Variants in JAKMIP2 observed in about 807,000 individuals in gnomAD.
JAKMIP2 encodes janus kinase and microtubule interacting protein 2.
In JAKMIP2, 25 loss-of-function variants were observed where a neutral mutation model predicts 115.0. The ratio of observed to expected loss-of-function variants is 0.22; its 90% CI spans 0.16 to 0.30. The LOEUF is 0.30. Among genes scored for constraint, JAKMIP2 ranks in the 10% least tolerant of loss-of-function variants. The pLI, the probability that JAKMIP2 is intolerant of heterozygous loss-of-function variation, is 1.00. For synonymous variants in JAKMIP2, 334 were observed against 343.6 expected (o/e 0.97, Z 0.31); for missense variants, 642 against 957.6 (o/e 0.67, Z 4.35).
At chr5:147,737,382 G>C (rs897249092) in intron 1 of JAKMIP2, among the ~76,000 whole-genome samples, 1 of 152,114 alleles carries the variant, frequency 6.6e-6, no homozygotes, top group African/African-American at 2.4e-5. Context: ...CTAATAAATA[G>C]CACTGAGATT....
chr5:147,641,732 A>T lies in JAKMIP2; in HGVS notation c.1257T>A (p.His419Gln). ...DREKLIRRRKHRRSSKPIKRP... is the reference protein window; with the variant it reads ...DREKLIRRRKQRRSSKPIKRP... ...CCTTAATTGGCTTGGAACTTCTTCT[A>T]TGCTTTCTTCTACGGATGAGCTTTT... is the stretch of plus-strand genomic sequence containing the variant. The change falls in exon 8 of 22, where the codon CAT (histidine) becomes CAA (glutamine). Residue 419 changes from histidine (H) to glutamine (Q), a missense_variant. Transcript: ENST00000616793. 1.9e-6 allele frequency: 3 copies of T among 1,613,452 alleles called. No homozygotes were observed. The South Asian group carries it at 3.3e-5, about 18-fold the overall frequency.
chr5:147,626,452 A>G (rs2126670736), intron 16 of JAKMIP2, among the ~76,000 whole-genome samples: 1 of 152,300 alleles, frequency 6.6e-6, no homozygotes, highest in Middle Eastern at 3.4e-3. Context: ...GTTTGGTGCA[A>G]GACGTAAGAT....
intron 19 of JAKMIP2, among the ~76,000 whole-genome samples, chr5:147,615,124 G>T (rs1457556904): frequency 6.6e-6 from 1 of 152,164 alleles, no homozygotes; most frequent in Non-Finnish European, 1.5e-5. Context: ...TGAGAGTAGT[G>T]ATCTGTATGT....
At chr5:147,701,615 G>C (rs1401170318) in intron 1 of JAKMIP2, among the ~76,000 whole-genome samples, 1 of 152,176 alleles carries the variant, frequency 6.6e-6, no homozygotes, top group Non-Finnish European at 1.5e-5. Context: ...ACACCAGCAT[G>C]AAGGATGACT....
chr5:147,705,099 G>A (rs951039613), intron 1 of JAKMIP2, among the ~76,000 whole-genome samples: 1 of 152,130 alleles, frequency 6.6e-6, no homozygotes, highest in Non-Finnish European at 1.5e-5. Context: ...TTCGCTTTAA[G>A]AATAATTTTC....
intron 21 of JAKMIP2, among the ~76,000 whole-genome samples, chr5:147,592,770 C>G (rs1486825601): frequency 6.6e-6 from 1 of 152,028 alleles, no homozygotes; most frequent in Non-Finnish European, 1.5e-5. Flanking sequence ...ATGTTAAATC[C>G]AAAGTTAAAT....
intron 12 of JAKMIP2, among the ~76,000 whole-genome samples, chr5:147,634,677 A>G (rs1344754489): frequency 6.6e-6 from 1 of 152,148 alleles, no homozygotes; most frequent in Non-Finnish European, 1.5e-5. Flanking sequence ...CCAGTTCTCG[A>G]TTTTTGAATA....
At chr5:147,724,400 T>C (rs1228493385) in intron 1 of JAKMIP2, among the ~76,000 whole-genome samples, 2 of 152,200 alleles carry the variant, frequency 1.3e-5, no homozygotes, top group African/African-American at 4.8e-5. Flanking sequence ...TATAGAAATA[T>C]CTTCTTACGT....
At chr5:147,659,850 A>G (rs1350303678) in intron 3 of JAKMIP2, among the ~76,000 whole-genome samples, 1 of 152,040 alleles carries the variant, frequency 6.6e-6, no homozygotes, top group East Asian at 1.9e-4. Context: ...TTACAGTTAC[A>G]CTCTATTGCA....
intron 3 of JAKMIP2, among the ~76,000 whole-genome samples, chr5:147,659,115 G>A (rs2126774616): frequency 6.6e-6 from 1 of 151,426 alleles, no homozygotes; most frequent in African/African-American, 2.4e-5. Flanking sequence ...AAATCCTGCA[G>A]CTCAGTGCCT....
At chr5:147,770,392 G>T (rs534282776) in intron 1 of JAKMIP2, among the ~76,000 whole-genome samples, 5 of 152,134 alleles carry the variant, frequency 3.3e-5, no homozygotes, top group African/African-American at 1.2e-4. Context: ...ATAGCAAAAA[G>T]GAAAAGAAAG....
intron 18 of JAKMIP2, among the ~76,000 whole-genome samples, chr5:147,619,602 A>G (rs1447946235): frequency 6.6e-6 from 1 of 152,182 alleles, no homozygotes; most frequent in Admixed American, 6.5e-5. Context: ...TTGTGAATTA[A>G]TGGAGGGTGG....
At chr5:147,658,314 C>G (rs1224621176) in intron 3 of JAKMIP2, among the ~76,000 whole-genome samples, 1 of 152,096 alleles carries the variant, frequency 6.6e-6, no homozygotes, top group Non-Finnish European at 1.5e-5. Context: ...TATTCCAGAC[C>G]CTTATTGCCT....
At chr5:147,652,673 G>A (rs1339603303) in intron 3 of JAKMIP2, among the ~76,000 whole-genome samples, 1 of 152,098 alleles carries the variant, frequency 6.6e-6, no homozygotes, top group East Asian at 1.9e-4. Context: ...TCATAAGGTG[G>A]CTCAGATTTA....
chr5:147,776,932 A>C (rs1204568263), intron 1 of JAKMIP2, among the ~76,000 whole-genome samples: 1 of 152,152 alleles, frequency 6.6e-6, no homozygotes, highest in Non-Finnish European at 1.5e-5. Context: ...TATCTCAAAA[A>C]TCATAATAAT....
intron 16 of JAKMIP2, among the ~76,000 whole-genome samples, chr5:147,625,774 T>C (rs1757066970): frequency 6.6e-6 from 1 of 152,148 alleles, no homozygotes; most frequent in South Asian, 2.1e-4. Context: ...CCAATGTACA[T>C]TATTTGGGCG....
At chr5:147,712,467 C>T (rs1752819231) in intron 1 of JAKMIP2, among the ~76,000 whole-genome samples, 1 of 152,090 alleles carries the variant, frequency 6.6e-6, no homozygotes, top group Non-Finnish European at 1.5e-5. Context: ...AAAATGATGA[C>T]ATTTTACATA....
chr5:147,688,292 T>G (rs1760668509), intron 1 of JAKMIP2, among the ~76,000 whole-genome samples: 2 of 152,216 alleles, frequency 1.3e-5, no homozygotes, highest in Non-Finnish European at 2.9e-5. Flanking sequence ...ATCCCATTTT[T>G]TAGGGTGGTT....
intron 20 of JAKMIP2, among the ~76,000 whole-genome samples, chr5:147,611,639 G>T (rs961193761): frequency 2.0e-5 from 3 of 152,198 alleles, no homozygotes; most frequent in African/African-American, 4.8e-5. Flanking sequence ...CAGCCATCTT[G>T]CTCGGGAATT....
Sources: allele counts gnomAD v4.1 joint callset (sites outside exome capture counted in the v4.1 genomes callset), GRCh38; gene constraint gnomAD v4.1.1; transcripts MANE v1.5; gene names NCBI Gene and HGNC (gene_info 2026-07-23, HGNC 2026-07-21).